Variants in MSRA observed in about 807,000 individuals in gnomAD.
MSRA encodes the protein methionine sulfoxide reductase A.
A neutral mutation model predicts 31.3 loss-of-function variants in MSRA; 54 were observed. The observed-to-expected ratio is 1.73, with a 90% CI of 1.39 to 2.17. MSRA has a LOEUF of 2.17. Ranked by LOEUF, MSRA falls within the 30% of genes most tolerant of loss-of-function variation. MSRA has a pLI of 0.00. For synonymous variants in MSRA, 169 were observed against 116.5 expected (o/e 1.45, Z -2.90); for missense variants, 507 against 300.9 (o/e 1.69, Z -5.07).
At chr8:10,161,364 T>C (rs1028809086) in intron 1 of MSRA, among the ~76,000 whole-genome samples, 1 of 152,234 alleles carries the variant, frequency 6.6e-6, no homozygotes, top group Non-Finnish European at 1.5e-5. Context: ...GCAGTGCTGA[T>C]GGATTATCTT....
chr8:10,268,573 G>C (rs1022507884), intron 3 of MSRA, among the ~76,000 whole-genome samples: 1 of 152,202 alleles, frequency 6.6e-6, no homozygotes, highest in African/African-American at 2.4e-5. Context: ...CTAGCACATA[G>C]TAAGACCTCA....
chr8:10,229,403 C>T (rs7001642), intron 2 of MSRA, among the ~76,000 whole-genome samples: 1,863 of 152,224 alleles, frequency 0.012, 49 homozygotes, highest in African/African-American at 0.043. Flanking sequence ...AGGCAGCGTC[C>T]AGAGAGGCTG....
chr8:10,146,004 T>C (rs1803108293), intron 1 of MSRA, among the ~76,000 whole-genome samples: 1 of 152,152 alleles, frequency 6.6e-6, no homozygotes, highest in South Asian at 2.1e-4. Context: ...AAACAGACCG[T>C]ATATTTATGT....
intron 2 of MSRA, among the ~76,000 whole-genome samples, chr8:10,209,480 C>T (rs1015657015): frequency 3.9e-5 from 6 of 152,256 alleles, no homozygotes; most frequent in Admixed American, 1.3e-4. Context: ...CTACAGAATT[C>T]GAAATAACAG....
chr8:10,276,428 G>A (rs1458537460), intron 3 of MSRA, among the ~76,000 whole-genome samples: 1 of 152,218 alleles, frequency 6.6e-6, no homozygotes, highest in African/African-American at 2.4e-5. Flanking sequence ...TCTTGTTTCT[G>A]TAAGGACCTG....
rs191742138 is a variant in MSRA, at chr8:10,219,429, G to A, written c.211+11528G>A. ...TCTTTTTTAATCTCATACACATCTC[G>A]TGTATGTATTTTTGTAAGTGGTCTC... On this transcript the variant is annotated intron_variant, in intron 2 of 5. Coordinates refer to ENST00000317173, the MANE Select transcript of MSRA (RefSeq NM_012331.5). Among the ~76,000 whole-genome samples, 110 of 152,224 alleles carry A rather than the reference G, an allele frequency of 7.2e-4. 2 individuals are homozygous for A. The East Asian group carries it at 0.014, about 20-fold the overall frequency.
At chr8:10,318,482 C>A (rs1188873614) in intron 4 of MSRA, among the ~76,000 whole-genome samples, 1 of 152,158 alleles carries the variant, frequency 6.6e-6, no homozygotes, top group East Asian at 1.9e-4. Flanking sequence ...CACACGAATT[C>A]TTTCTGCTGG....
intron 3 of MSRA, among the ~76,000 whole-genome samples, chr8:10,260,170 G>T (rs1298346530): frequency 3.3e-5 from 5 of 152,246 alleles, no homozygotes; most frequent in African/African-American, 4.8e-5. Context: ...GCGGCTGTGT[G>T]TGGGCGAGCC....
intron 1 of MSRA, among the ~76,000 whole-genome samples, chr8:10,177,862 T>C (rs1430788349): frequency 8.5e-5 from 13 of 152,222 alleles, no homozygotes. Context: ...AATTTGTCTA[T>C]CTATAGTTGA....
chr8:10,093,000 C>G (rs1340964614), intron 1 of MSRA, among the ~76,000 whole-genome samples: 1 of 152,116 alleles, frequency 6.6e-6, no homozygotes, highest in Non-Finnish European at 1.5e-5. Context: ...TATAACCATT[C>G]TAGCTCTCTT....
intron 5 of MSRA, among the ~76,000 whole-genome samples, chr8:10,347,649 T>A (rs550267981): frequency 6.6e-6 from 1 of 152,218 alleles, no homozygotes; most frequent in Non-Finnish European, 1.5e-5. Context: ...AAAGTTCCAC[T>A]TTGCTTATGC....
In MSRA at chr8:10,301,565, G is replaced by C; in HGVS notation, c.363G>C (p.Val121=). The C allele has an allele frequency of 6.2e-7, 1 of 1,614,030 alleles. No homozygotes were observed. Among genetic ancestry groups the C allele is most frequent in the African/African-American group, 1.3e-5 (1 of 75,000 alleles). The part of the protein sequence containing the change: ...EKTGHAEVVR[V]VYQPEHMSFE... The stretch of plus-strand genomic sequence containing the variant: ...CTGGCCATGCAGAAGTCGTCCGAGT[G>C]GTGTACCAGCCAGAACACATGAGTT... The change falls in exon 4 of 6, where the codon GTG becomes GTC. Residue 121 remains valine, a synonymous_variant. Coordinates refer to ENST00000317173, the MANE Select transcript of MSRA (RefSeq NM_012331.5).
At chr8:10,371,980 A>G (rs535997174) in intron 5 of MSRA, among the ~76,000 whole-genome samples, 2 of 151,870 alleles carry the variant, frequency 1.3e-5, no homozygotes, top group African/African-American at 4.8e-5. Flanking sequence ...CATCCTACAC[A>G]TGAGATTGAA....
intron 2 of MSRA, among the ~76,000 whole-genome samples, chr8:10,235,313 C>T (rs117250875): frequency 0.011 from 1,748 of 152,104 alleles, 23 homozygotes; most frequent in Middle Eastern, 0.034. Flanking sequence ...TTAAGTAATT[C>T]ATGGATTAAG....
intron 1 of MSRA, among the ~76,000 whole-genome samples, chr8:10,203,504 C>A (rs1040413232): frequency 6.6e-6 from 1 of 152,200 alleles, no homozygotes. Flanking sequence ...AGATTTTTAT[C>A]ACCTAGTGAC....
intron 3 of MSRA, among the ~76,000 whole-genome samples, chr8:10,271,472 C>A (rs1448808466): frequency 2.0e-5 from 3 of 152,232 alleles, no homozygotes; most frequent in East Asian, 1.9e-4. Flanking sequence ...CTTTAAAAAA[C>A]TTTTTTAGGG....
intron 5 of MSRA, among the ~76,000 whole-genome samples, chr8:10,396,784 G>T (rs982014016): frequency 2.0e-5 from 3 of 152,180 alleles, no homozygotes; most frequent in Admixed American, 2.0e-4. Context: ...ATTGTTAAGT[G>T]AATGAAATTG....
intron 4 of MSRA, among the ~76,000 whole-genome samples, chr8:10,303,188 G>T (rs1207595237): frequency 2.0e-5 from 3 of 152,240 alleles, no homozygotes; most frequent in Non-Finnish European, 2.9e-5. Flanking sequence ...TCGGGTCTGT[G>T]TCCTTTAATG....
Position 10,127,004 on chromosome 8 carries a change from C to T in MSRA, c.142+72346C>T, listed in dbSNP as rs140533407. On this transcript the variant is annotated intron_variant, in intron 1 of 5. Transcript: ENST00000317173. ...GTTCCCAACAGGCCACAGCCTGGTCCACTAGCTAGGGGTTGGGGACCCCTG... is the reference window on the plus strand; with the variant it reads ...GTTCCCAACAGGCCACAGCCTGGTCTACTAGCTAGGGGTTGGGGACCCCTG... Among the ~76,000 whole-genome samples the T allele has an allele frequency of 2.4e-4, 36 of 152,354 alleles. No individual in the cohort carries two copies. In the East Asian group the frequency reaches 6.4e-3, roughly 27 times the overall value.
Sources: allele counts gnomAD v4.1 joint callset (sites outside exome capture counted in the v4.1 genomes callset), GRCh38; gene constraint gnomAD v4.1.1; transcripts MANE v1.5; gene names NCBI Gene and HGNC (gene_info 2026-07-23, HGNC 2026-07-21).